Variants in CLASRP observed in about 807,000 individuals in gnomAD.
CLASRP encodes the protein CLK4-associating serine/arginine rich protein.
Under a neutral mutation model 99.9 loss-of-function variants are expected in CLASRP, and 52 were observed. The ratio of observed to expected loss-of-function variants is 0.52; its 90% confidence interval spans 0.42 to 0.66. The LOEUF (loss-of-function observed/expected upper bound fraction) is 0.66. Among genes scored for constraint, CLASRP ranks in the 30% least tolerant of loss-of-function variants. The pLI is 0.00. For synonymous variants in CLASRP, 379 were observed against 373.0 expected, an observed-to-expected ratio of 1.02 and a Z score of -0.18; for missense variants, 848 against 999.2, an observed-to-expected ratio of 0.85 and a Z score of 2.04.
At position 45,039,102 on chromosome 19, in the gene CLASRP, C is replaced by A. The variant is rs1264896169; in HGVS notation, c.-36C>A. ...CGAGCGCAGCGGTGGGAGGCGGCGA[C>A]CAGCCGGTGAGTGCAGGCTGCGGCT... On this transcript the variant is annotated 5_prime_UTR_variant, in exon 1 of 21. Coordinates refer to ENST00000221455, the MANE Select transcript of CLASRP (RefSeq NM_007056.3). 6.6e-6 allele frequency: 1 copy of A among 152,092 alleles called. No homozygotes were observed. The highest frequency in any genetic ancestry group is 6.6e-5 in the Admixed American group (1 of 15,260). 9.4% of individuals were successfully genotyped at this position (152,092 alleles called of 1,614,324 possible). A position where few individuals can be genotyped will look rare whatever the true frequency, so the allele number is the denominator to read the frequency against.
In CLASRP at chr19:45,064,072, CGAG is replaced by C. The variant is rs1472613227; in HGVS notation, c.970_972del (p.Glu324del). The C allele has an allele frequency of 7.5e-6, 12 of 1,610,314 alleles. No individual in the cohort carries two copies. The highest frequency in any genetic ancestry group is 2.2e-5 in the East Asian group (1 of 44,570). On this transcript the variant is annotated inframe_deletion, in exon 12 of 21. Coordinates refer to ENST00000221455, the MANE Select transcript of CLASRP (RefSeq NM_007056.3). ...GCTCCCGCTCCCCGACCCCGGGCCG[CGAG>C]GAGAAGATCACGTTCATCACCAGTT...
At chr19:45,050,393 A>G (rs2122549546) in intron 2 of CLASRP, among the ~76,000 whole-genome samples, 1 of 152,310 alleles carries the variant, frequency 6.6e-6, no homozygotes, top group East Asian at 1.9e-4. Flanking sequence ...ACAGACTATA[A>G]CAAGTAGTAG....
Position 45,064,247 on chromosome 19 carries a change from C to T in CLASRP, c.1121+20C>T, listed in dbSNP as rs1967015672. ...CGCCCGGTCGGTAACGCTCACGCCG[C>T]CCGCCCTACGCCCCGGTCACCATGG... On this transcript the variant is annotated intron_variant, in intron 12 of 20. Coordinates refer to ENST00000221455, the MANE Select transcript of CLASRP (RefSeq NM_007056.3). 2 of 1,563,566 alleles carry T rather than the reference C, an allele frequency of 1.3e-6. No homozygotes were observed. The highest frequency in any genetic ancestry group is 1.7e-6 in the Non-Finnish European group (2 of 1,157,022).
At chr19:45,064,274 G>T in intron 12 of CLASRP, 47 bp downstream of exon 12, 1 of 1,527,890 alleles carries the variant, frequency 6.5e-7, no homozygotes, top group Non-Finnish European at 8.8e-7. Flanking sequence ...TCACCATGGG[G>T]GGTACCCGGG....
intron 2 of CLASRP, among the ~76,000 whole-genome samples, chr19:45,041,732 C>T (rs550669511): frequency 2.0e-5 from 3 of 152,308 alleles, no homozygotes; most frequent in South Asian, 2.1e-4. Context: ...AGAGAAAGCC[C>T]AGGCTCCTCA....
At chr19:45,051,946 C>G in intron 2 of CLASRP, 125 bp from the exon 3 acceptor site, 1 of 698,886 alleles carries the variant, frequency 1.4e-6, no homozygotes, top group Non-Finnish European at 2.5e-6. Flanking sequence ...CCAGCCTGGG[C>G]GACAGAGTGA....
chr19:45,064,595 C>T lies in CLASRP; in HGVS notation c.1374C>T (p.Ala458=), dbSNP rs770675803. 1.3e-6 allele frequency: 2 copies of T among 1,548,804 alleles called. No individual in the cohort carries two copies. The highest frequency in any genetic ancestry group is 8.7e-7 in the Non-Finnish European group (1 of 1,152,714). ...RDGHRYSRSP[A]RRGGYGPRRR... ...GACACCGGTACTCCCGCTCGCCCGC[C>T]CGGCGTGGTGGTTACGGGCCCCGGC... Residue 458 remains alanine (A), a synonymous_variant, in exon 13 of 21, where the codon GCC becomes GCT. Transcript: ENST00000221455.
At chr19:45,047,080 C>T (rs1971931766) in intron 2 of CLASRP, among the ~76,000 whole-genome samples, 1 of 152,020 alleles carries the variant, frequency 6.6e-6, no homozygotes, top group African/African-American at 2.4e-5. Context: ...CACTTATGTT[C>T]ATTACAGCAT....
Position 45,070,541 on chromosome 19 carries a change from A to G in CLASRP, c.1962A>G (p.Arg654=). The G allele has an allele frequency of 6.2e-7, 1 of 1,613,998 alleles. No individual in the cohort carries two copies. The highest frequency in any genetic ancestry group is 8.5e-7 in the Non-Finnish European group (1 of 1,179,890). The change falls in exon 20 of 21, where the codon CGA becomes CGG. Residue 654 remains arginine, a synonymous_variant. Coordinates refer to ENST00000221455, the MANE Select transcript of CLASRP (RefSeq NM_007056.3). Reference sequence around the variant, plus strand: ...CACCTGTTGTTTTCTTTCCAGGTCGAGAATACAGCTCTTCTCGAAGGTAAG... The same window carrying G: ...CACCTGTTGTTTTCTTTCCAGGTCGGGAATACAGCTCTTCTCGAAGGTAAG... ...QSRSPSPRYS[R]EYSSSRRRSR...
chr19:45,040,123 T>G lies in CLASRP; in HGVS notation c.-29-61T>G, dbSNP rs1183323825. 9.0e-6 allele frequency: 8 copies of G among 886,698 alleles called. No homozygotes were observed. The East Asian group carries it at 2.1e-4, about 24-fold the overall frequency. 54.9% of individuals were successfully genotyped at this position (886,698 alleles called of 1,614,324 possible). ...TCTGCCACCAACTTGTTAGATGACTTTGATTCTGCCCATACGGGTTTCACA... is the reference window on the plus strand; with the variant it reads ...TCTGCCACCAACTTGTTAGATGACTGTGATTCTGCCCATACGGGTTTCACA... On this transcript the variant is annotated intron_variant, in intron 1 of 20. Transcript: ENST00000221455.
At chr19:45,064,964 G>A (rs541980945) in intron 13 of CLASRP, among the ~76,000 whole-genome samples, 2 of 152,254 alleles carry the variant, frequency 1.3e-5, no homozygotes, top group South Asian at 4.1e-4. Context: ...AAAGCGCATG[G>A]ACGCTCCAGG....
At chr19:45,056,571 C>T in intron 6 of CLASRP, 37 bp downstream of exon 6, 1 of 1,574,140 alleles carries the variant, frequency 6.4e-7, no homozygotes, top group Non-Finnish European at 8.7e-7. Context: ...GTTGAGGAGG[C>T]AGGAGGGCTG....
intron 2 of CLASRP, among the ~76,000 whole-genome samples, chr19:45,041,262 A>G (rs960619536): frequency 4.0e-5 from 6 of 151,842 alleles, no homozygotes; most frequent in African/African-American, 7.3e-5. Flanking sequence ...TCAAAAAAAA[A>G]GGAGTGAATA....
chr19:45,042,416 G>A (rs1020856544), intron 2 of CLASRP, among the ~76,000 whole-genome samples: 3 of 151,924 alleles, frequency 2.0e-5, no homozygotes, highest in Non-Finnish European at 4.4e-5. Flanking sequence ...CTACTCGGGA[G>A]GCTGAGGCAG....
chr19:45,062,049 GC>G (rs1311896456), intron 10 of CLASRP, 104 bp from the exon 11 acceptor site: 1 of 784,680 alleles, frequency 1.3e-6, no homozygotes, highest in East Asian at 2.5e-5. Flanking sequence ...CCCTCACTGT[GC>G]CAGGTACCTA....
At position 45,067,370 on chromosome 19, in the gene CLASRP, G is replaced by A; in HGVS notation, c.1443G>A (p.Arg481=). 2 of 1,527,070 alleles carry A rather than the reference G, an allele frequency of 1.3e-6. No homozygotes were observed. The highest frequency in any genetic ancestry group is 1.8e-6 in the Non-Finnish European group (2 of 1,141,742). The allele number at this position is 1,527,070 out of a possible 1,614,324, so 94.6% of individuals were successfully genotyped here. A position where few individuals can be genotyped will look rare whatever the true frequency, so the allele number is the denominator to read the frequency against. The change falls in exon 14 of 21, where the codon CGG becomes CGA. Residue 481 remains arginine (R), a synonymous_variant. Transcript: ENST00000221455. The surrounding 1 kb of genome is among the most constrained non-coding windows in gnomAD (Gnocchi z 4.9). ...CCCACTCAGGGGACCGCTACAGGCG[G>A]GGCGGCCGGGGCCTCAGGCACCACA... The part of the protein sequence containing the change: ...SRSHSGDRYR[R]GGRGLRHHSS...
chr19:45,068,254 T>C, intron 15 of CLASRP, 166 bp from the exon 16 acceptor site: 2 of 660,142 alleles, frequency 3.0e-6, no homozygotes, highest in Non-Finnish European at 5.6e-6. Context: ...CACCTGTCAC[T>C]GAACCTCTGG....
At position 45,060,301 on chromosome 19, in the gene CLASRP, C is replaced by T; in HGVS notation, c.711-88C>T. ...CAGGCTGGCGTGGGGTGACTCAGGT[C>T]CCTCACTTTCTCTGATGACTCAGTC... On this transcript the variant is annotated intron_variant, in intron 8 of 20. Transcript: ENST00000221455. The surrounding 1 kb of genome is among the most constrained non-coding windows in gnomAD (Gnocchi z 4.6). 8.3e-7 allele frequency: 1 copy of T among 1,209,654 alleles called. No individual in the cohort carries two copies. The highest frequency in any genetic ancestry group is 1.2e-6 in the Non-Finnish European group (1 of 816,044). The allele number at this position is 1,209,654 out of a possible 1,614,324, so 74.9% of individuals were successfully genotyped here.
chr19:45,045,894 A>G (rs1971908060), intron 2 of CLASRP, among the ~76,000 whole-genome samples: 1 of 152,130 alleles, frequency 6.6e-6, no homozygotes, highest in Admixed American at 6.6e-5. Context: ...CAGAGGAAGG[A>G]AGGCTGGAGC....
Sources: allele counts gnomAD v4.1 joint callset (sites outside exome capture counted in the v4.1 genomes callset), GRCh38; gene constraint gnomAD v4.1.1; non-coding constraint Gnocchi (gnomAD v3.1); transcripts MANE v1.5; gene names NCBI Gene and HGNC (gene_info 2026-07-23, HGNC 2026-07-21).